CCNI: variants seen among roughly 807,000 people sequenced by gnomAD.
CCNI encodes cyclin I.
CCNI carries 14 observed loss-of-function variants against 34.1 expected under a neutral mutation model. That is an observed-to-expected ratio of 0.41 (90% CI 0.27 to 0.64). The LOEUF (loss-of-function observed/expected upper bound fraction) is 0.64. Among genes scored for constraint, CCNI ranks in the 30% least tolerant of loss-of-function variants. The probability of loss-of-function intolerance (pLI) is 0.31; values close to 1 mark genes in which losing one functional copy is unlikely to be tolerated. For missense variants in CCNI, 385 were observed against 440.5 expected (o/e 0.87, Z 1.13); for synonymous variants, 154 against 158.4 (o/e 0.97, Z 0.21).
At chr4:77,070,298 T>C in intron 1 of CCNI, among the ~76,000 whole-genome samples, 1 of 151,630 alleles carries the variant, frequency 6.6e-6, no homozygotes, top group East Asian at 1.9e-4. Context: ...AGTACTGGCA[T>C]GAGCCACCAC....
chr4:77,068,177 A>AAAACAAAC (rs540058049), intron 1 of CCNI, among the ~76,000 whole-genome samples: 1 of 152,114 alleles, frequency 6.6e-6, no homozygotes. Context: ...ACTCCGTCTC[A>AAAACAAAC]AAACAAACAA....
chr4:77,056,946 T>C (rs4252884), intron 3 of CCNI, among the ~76,000 whole-genome samples: 4,583 of 152,256 alleles, frequency 0.03, 225 homozygotes, highest in African/African-American at 0.1. Flanking sequence ...ACAAAAATAA[T>C]ATCAATTCCA....
At chr4:77,073,635 C>T (rs764145008) in intron 1 of CCNI, among the ~76,000 whole-genome samples, 1 of 152,216 alleles carries the variant, frequency 6.6e-6, no homozygotes, top group Non-Finnish European at 1.5e-5. Flanking sequence ...CCTGGCTGTA[C>T]AAGCACTGCT....
At chr4:77,067,913 C>CACA (rs1318428454) in intron 1 of CCNI, among the ~76,000 whole-genome samples, 1 of 151,246 alleles carries the variant, frequency 6.6e-6, no homozygotes, top group Non-Finnish European at 1.5e-5. Flanking sequence ...CACGGTGGCT[C>CACA]ACACCTGTAA....
intron 1 of CCNI, among the ~76,000 whole-genome samples, chr4:77,072,067 T>G (rs1729507032): frequency 6.6e-6 from 1 of 152,068 alleles, no homozygotes; most frequent in African/African-American, 2.4e-5. Flanking sequence ...ACTAGAAAAC[T>G]ACAGATTAGT....
At chr4:77,067,910 G>A (rs1729173091) in intron 1 of CCNI, among the ~76,000 whole-genome samples, 1 of 151,658 alleles carries the variant, frequency 6.6e-6, no homozygotes, top group Non-Finnish European at 1.5e-5. Context: ...GGGCACGGTG[G>A]CTCACACCTG....
At chr4:77,066,943 T>A (rs1729073560) in intron 1 of CCNI, among the ~76,000 whole-genome samples, 1 of 152,122 alleles carries the variant, frequency 6.6e-6, no homozygotes, top group African/African-American at 2.4e-5. Flanking sequence ...TGAATAAAAT[T>A]TAAAAATTGG....
intron 1 of CCNI, among the ~76,000 whole-genome samples, chr4:77,072,638 TAAAAAAAAAAAAAAA>T (rs61247567): frequency 9.9e-6 from 1 of 101,386 alleles, no homozygotes; most frequent in Non-Finnish European, 1.9e-5. Context: ...CCCAATCTCT[TAAAAAAAAAAAAAAA>T]AAAAAAAAGA....
chr4:77,055,747 G>C (rs1018147027), intron 5 of CCNI, among the ~76,000 whole-genome samples: 1 of 152,144 alleles, frequency 6.6e-6, no homozygotes, highest in Non-Finnish European at 1.5e-5. Context: ...GATTACAGGC[G>C]TGAGCCACCG....
Position 77,056,267 on chromosome 4 carries a change from C to T in CCNI, c.300G>A (p.Lys100=). 6.2e-7 allele frequency: 1 copy of T among 1,613,612 alleles called. No individual in the cohort carries two copies. The highest frequency in any genetic ancestry group is 8.5e-7 in the Non-Finnish European group (1 of 1,179,598). Residue 100 remains lysine, a synonymous_variant, in exon 4 of 7, where the codon AAG becomes AAA. Transcript: ENST00000237654. ...TTATTACCTCATCTTCCTCAACAGT[C>T]TTGGCAGCTAGGAAAAAACAGCTGA... ...IAISCFFLAA[K]TVEEDERIPV...
At chr4:77,061,711 C>G (rs1728618857) in intron 2 of CCNI, among the ~76,000 whole-genome samples, 1 of 152,054 alleles carries the variant, frequency 6.6e-6, no homozygotes, top group Admixed American at 6.6e-5. Context: ...GCTCTGTCAC[C>G]CAGGCTGGAG....
Position 77,055,129 on chromosome 4 carries a change from TTTAA to T in CCNI, c.690+17_690+20del, listed in dbSNP as rs1160922375. ...ATAGAAAAACTTAAAAAGAACACTA[TTTAA>T]TTAGACTGACACCTACCTGTGCTTT... On this transcript the variant is annotated intron_variant, in intron 6 of 6. Transcript: ENST00000237654. 2.0e-6 allele frequency: 3 copies of T among 1,506,498 alleles called. No individual in the cohort carries two copies. The highest frequency in any genetic ancestry group is 2.8e-6 in the Non-Finnish European group (3 of 1,083,194). The allele number at this position is 1,506,498 out of a possible 1,614,324, so 93.3% of individuals were successfully genotyped here.
chr4:77,070,074 G>A (rs866096968), intron 1 of CCNI, among the ~76,000 whole-genome samples: 6 of 147,416 alleles, frequency 4.1e-5, no homozygotes, highest in Non-Finnish European at 3.0e-5. Context: ...CTAGAGTGTA[G>A]TGGCACGATC....
intron 2 of CCNI, among the ~76,000 whole-genome samples, chr4:77,060,552 GC>G (rs945120115): frequency 1.3e-5 from 2 of 151,608 alleles, no homozygotes; most frequent in Non-Finnish European, 2.9e-5. Context: ...CGACCTCCCA[GC>G]CCCAAGTGAT....
intron 2 of CCNI, among the ~76,000 whole-genome samples, chr4:77,061,789 C>A (rs541950627): frequency 3.9e-4 from 60 of 152,300 alleles, no homozygotes; most frequent in African/African-American, 1.4e-3. Context: ...CCTGCCTCAG[C>A]CTCCTGGGTA....
chr4:77,065,435 CAGAAG>C (rs1728961487), intron 2 of CCNI, among the ~76,000 whole-genome samples: 2 of 152,254 alleles, frequency 1.3e-5, no homozygotes, highest in Admixed American at 1.3e-4. Context: ...TTATATATGA[CAGAAG>C]TATAAAAATT....
chr4:77,055,431 T>C (rs1298148626), intron 5 of CCNI, 51 bp from the exon 6 acceptor site: 2 of 1,253,026 alleles, frequency 1.6e-6, no homozygotes, highest in East Asian at 2.4e-5. Flanking sequence ...TCTGGGAAAT[T>C]ACATATAGAA....
chr4:77,068,282 G>T (rs1292954482), intron 1 of CCNI, among the ~76,000 whole-genome samples: 1 of 152,132 alleles, frequency 6.6e-6, no homozygotes, highest in African/African-American at 2.4e-5. Context: ...AAGAATTTAA[G>T]AAAGTAATGT....
In CCNI at chr4:77,055,952, G is replaced by T. The variant is rs1728190951; in HGVS notation, c.459+10C>A. The T allele has an allele frequency of 1.2e-6, 2 of 1,600,198 alleles. No individual in the cohort carries two copies. The highest frequency in any genetic ancestry group is 1.7e-6 in the Non-Finnish European group (2 of 1,172,042). On this transcript the variant is annotated intron_variant, in intron 5 of 6. Transcript: ENST00000237654. ...CAAATAAGAAACTAAAAGACTTCAG[G>T]TATATTTACAATATGAAGAAAATCC...
Sources: gnomAD v4.1 joint callset for allele counts (sites outside exome capture counted in the v4.1 genomes callset) on GRCh38, gnomAD v4.1.1 for gene constraint, MANE v1.5 for transcripts, NCBI Gene and HGNC (gene_info 2026-07-23, HGNC 2026-07-21) for gene names.